RIPOR2: variants seen among roughly 807,000 people sequenced by gnomAD.
RIPOR2 encodes RHO family interacting cell polarization regulator 2, also known as rho family-interacting cell polarization regulator 2.
A neutral mutation model predicts 114.5 loss-of-function variants in RIPOR2; 39 were observed. The ratio of observed to expected loss-of-function variants is 0.34; its 90% CI spans 0.26 to 0.44. The LOEUF is 0.44. Among genes scored for constraint, RIPOR2 ranks in the 20% least tolerant of loss-of-function variants. The probability of loss-of-function intolerance (pLI) is 1.00; values close to 1 mark genes in which losing one functional copy is unlikely to be tolerated. For missense variants in RIPOR2, 1,007 were observed against 1,255.1 expected (o/e 0.80, Z 2.99); for synonymous variants, 445 against 484.4 (o/e 0.92, Z 1.07).
intron 1 of RIPOR2, among the ~76,000 whole-genome samples, chr6:25,002,803 G>T (rs1298991587): frequency 2.0e-5 from 3 of 152,226 alleles, no homozygotes; most frequent in Non-Finnish European, 2.9e-5. Context: ...GCAGTCCGAG[G>T]TGAATGAACG....
intron 1 of RIPOR2, among the ~76,000 whole-genome samples, chr6:25,038,252 T>C (rs1188614263): frequency 6.6e-6 from 1 of 152,264 alleles, no homozygotes; most frequent in East Asian, 1.9e-4. Context: ...TTAGGTTTTG[T>C]AGTAAGCAGA....
chr6:24,927,193 A>AG (rs1770970893), intron 1 of RIPOR2, among the ~76,000 whole-genome samples: 1 of 146,162 alleles, frequency 6.8e-6, no homozygotes, highest in Admixed American at 6.8e-5. Context: ...GACCACCACC[A>AG]CAACTACAAG....
At chr6:24,962,930 G>A (rs1445351187) in intron 1 of RIPOR2, among the ~76,000 whole-genome samples, 3 of 152,130 alleles carry the variant, frequency 2.0e-5, no homozygotes, top group Non-Finnish European at 2.9e-5. Context: ...GCCAGGCTAG[G>A]GAGAATCAAA....
intron 1 of RIPOR2, among the ~76,000 whole-genome samples, chr6:24,943,314 G>A (rs909372561): frequency 6.6e-6 from 1 of 152,132 alleles, no homozygotes; most frequent in African/African-American, 2.4e-5. Context: ...ACACAGGAAG[G>A]GGAACATCAC....
intron 1 of RIPOR2, among the ~76,000 whole-genome samples, chr6:24,945,564 A>G (rs988910983): frequency 5.3e-5 from 8 of 152,216 alleles, no homozygotes; most frequent in Admixed American, 1.3e-4. Flanking sequence ...TGACGGGCAT[A>G]TAATATATAA....
intron 1 of RIPOR2, among the ~76,000 whole-genome samples, chr6:24,932,459 C>G (rs934771319): frequency 2.0e-5 from 3 of 151,900 alleles, no homozygotes. Flanking sequence ...TTCTCTTTCT[C>G]TCTCACTATA....
chr6:24,935,079 G>A (rs371889023), intron 1 of RIPOR2, among the ~76,000 whole-genome samples: 3 of 152,126 alleles, frequency 2.0e-5, no homozygotes, highest in Non-Finnish European at 4.4e-5. Flanking sequence ...GGGCCAAGGA[G>A]GGTGGATCAC....
chr6:24,898,078 C>G (rs111312630), intron 1 of RIPOR2, among the ~76,000 whole-genome samples: 2 of 151,270 alleles, frequency 1.3e-5, no homozygotes, highest in African/African-American at 4.9e-5. Context: ...AGGAAGGAAG[C>G]AAGGAAGGAA....
chr6:25,011,395 G>A (rs951730183), intron 1 of RIPOR2, among the ~76,000 whole-genome samples: 3 of 152,152 alleles, frequency 2.0e-5, no homozygotes, highest in African/African-American at 4.8e-5. Context: ...GGGATGACAC[G>A]GGGATTGACA....
At chr6:24,867,560 G>A (rs759915881) in intron 6 of RIPOR2, among the ~76,000 whole-genome samples, 1 of 152,146 alleles carries the variant, frequency 6.6e-6, no homozygotes, top group Non-Finnish European at 1.5e-5. Flanking sequence ...TAGTGGGTAC[G>A]CCAAAGTTTC....
chr6:24,994,365 C>T (rs893355545), intron 1 of RIPOR2, among the ~76,000 whole-genome samples: 1 of 152,172 alleles, frequency 6.6e-6, no homozygotes, highest in South Asian at 2.1e-4. Flanking sequence ...GGTCTGATCA[C>T]GTTTCTTTGC....
At chr6:24,866,459 G>A (rs1764609706) in intron 6 of RIPOR2, among the ~76,000 whole-genome samples, 1 of 151,936 alleles carries the variant, frequency 6.6e-6, no homozygotes, top group African/African-American at 2.4e-5. Context: ...CTATAATGCA[G>A]AGGACAGCTT....
At chr6:24,910,854 CTCAGGGT>C in intron 1 of RIPOR2, 1 of 985,438 alleles carries the variant, frequency 1.0e-6, no homozygotes, top group Non-Finnish European at 1.2e-6. Flanking sequence ...CAGGGGCACA[CTCAGGGT>C]TCTCTGGCAT....
intron 1 of RIPOR2, among the ~76,000 whole-genome samples, chr6:24,943,735 GA>G (rs1228421855): frequency 6.6e-6 from 1 of 152,028 alleles, no homozygotes; most frequent in Non-Finnish European, 1.5e-5. Flanking sequence ...CAATCACAGT[GA>G]AAATCAACAG....
chr6:24,976,940 A>T, intron 1 of RIPOR2: 2 of 1,567,414 alleles, frequency 1.3e-6, no homozygotes, highest in South Asian at 2.2e-5. Flanking sequence ...TGGCAAGACC[A>T]GCAAGAAGAT....
chr6:24,832,874 G>A (rs571561545), intron 15 of RIPOR2, among the ~76,000 whole-genome samples: 1 of 152,274 alleles, frequency 6.6e-6, no homozygotes, highest in South Asian at 2.1e-4. Flanking sequence ...TAACAAATGA[G>A]TGCTCACTAT....
At chr6:24,886,575 G>C (rs956013928) in intron 1 of RIPOR2, among the ~76,000 whole-genome samples, 3 of 152,110 alleles carry the variant, frequency 2.0e-5, no homozygotes, top group African/African-American at 7.2e-5. Context: ...CACTTGTTTT[G>C]TACACTGGCC....
chr6:24,832,316 T>C lies in RIPOR2; in HGVS notation c.2284A>G (p.Met762Val), dbSNP rs1295551353. The C allele has an allele frequency of 1.3e-6, 2 of 1,551,944 alleles. No individual in the cohort carries two copies. Among genetic ancestry groups the C allele is most frequent in the Non-Finnish European group, 1.7e-6 (2 of 1,146,982 alleles). The change falls in exon 16 of 22, where the codon ATG becomes GTG. Residue 762 changes from methionine (M) to valine (V), a missense_variant. Coordinates refer to ENST00000643898, the MANE Select transcript of RIPOR2 (RefSeq NM_001286445.3). ...TCACTGACAGCTGCGAGTTTCTCCA[T>C]CACTTGGATCTGCCTAGAAAGCTTC... Reference protein sequence around the residue: ...LEKLSRQIQVMEKLAAVSDEN... With the variant: ...LEKLSRQIQVVEKLAAVSDEN...
At chr6:24,927,408 A>G (rs1374040553) in intron 1 of RIPOR2, among the ~76,000 whole-genome samples, 2 of 151,538 alleles carry the variant, frequency 1.3e-5, no homozygotes, top group Non-Finnish European at 2.9e-5. Flanking sequence ...CACCACCACA[A>G]CTATAACTAT....
Sources: allele counts gnomAD v4.1 joint callset (sites outside exome capture counted in the v4.1 genomes callset), GRCh38; gene constraint gnomAD v4.1.1; transcripts MANE v1.5; gene names NCBI Gene and HGNC (gene_info 2026-07-23, HGNC 2026-07-21).